The following CYP4Z1 variants were observed in gnomAD, a reference collection of about 807,000 sequenced individuals.
The protein encoded by CYP4Z1 is cytochrome P450 4Z1.
In CYP4Z1, 41 loss-of-function variants were observed where a neutral mutation model predicts 54.2. The observed-to-expected ratio is 0.76, with a 90% CI of 0.59 to 0.98. The LOEUF is 0.98. Ranked by LOEUF, CYP4Z1 falls within the 50% of genes least tolerant of loss-of-function variation. CYP4Z1 has a pLI of 0.00. For synonymous variants in CYP4Z1, 163 were observed against 206.2 expected (o/e 0.79, Z 1.79); for missense variants, 513 against 599.0 (o/e 0.86, Z 1.50).
the CYP4Z1 span, among the ~76,000 whole-genome samples, chr1:47,060,060 G>A: frequency 6.6e-6 from 1 of 151,010 alleles, no homozygotes; most frequent in Non-Finnish European, 1.5e-5. Context: ...GTTTTGTCTT[G>A]GATTCATTTA....
At chr1:47,090,770 C>CTTCAGTGTGAT in intron 6 of CYP4Z1, among the ~76,000 whole-genome samples, 1 of 147,784 alleles carries the variant, frequency 6.8e-6, no homozygotes, top group African/African-American at 2.6e-5. Context: ...CAGGCTTTGA[C>CTTCAGTGTGAT]TTGAGTGTGA....
chr1:47,063,728 A>G (rs187309013), upstream of CYP4Z1, among the ~76,000 whole-genome samples: 1 of 152,240 alleles, frequency 6.6e-6, no homozygotes, highest in Admixed American at 6.5e-5. Context: ...CAAAGCCTCC[A>G]AAAATTTGGG....
chr1:47,103,595 C>CTTTTTTTTT (rs373166937), intron 8 of CYP4Z1, among the ~76,000 whole-genome samples: 187 of 95,806 alleles, frequency 2.0e-3, no homozygotes, highest in Non-Finnish European at 2.5e-3. Flanking sequence ...TCTTTTTTTT[C>CTTTTTTTTT]TTTTTTTTTT....
Position 47,067,561 on chromosome 1 carries a change from T to C in CYP4Z1, c.71T>C (p.Leu24Pro). 6.2e-7 allele frequency: 1 copy of C among 1,613,850 alleles called. No individual in the cohort carries two copies. ...FLLLILLCMS[L>P]LLFQVIRLYQ... ...CTGCTGATCCTCCTCTGCATGTCTCTGCTGCTGTTTCAGGTAATCAGGTTG... is the reference window on the plus strand; with the variant it reads ...CTGCTGATCCTCCTCTGCATGTCTCCGCTGCTGTTTCAGGTAATCAGGTTG... Residue 24 changes from leucine to proline, a missense_variant, in exon 1 of 12, where the codon CTG (leucine) becomes CCG (proline). By Grantham distance (98) the Leu-to-Pro change is moderately conservative. Transcript: ENST00000334194.
At chr1:47,089,327 T>A (rs1213829209) in intron 6 of CYP4Z1, among the ~76,000 whole-genome samples, 2 of 150,748 alleles carry the variant, frequency 1.3e-5, no homozygotes, top group Non-Finnish European at 2.9e-5. Flanking sequence ...TTTTAATAAT[T>A]TTTTTTTAAG....
At chr1:47,100,066 G>A (rs189475436) in intron 8 of CYP4Z1, among the ~76,000 whole-genome samples, 7 of 151,996 alleles carry the variant, frequency 4.6e-5, no homozygotes, top group Admixed American at 1.3e-4. Context: ...TGTTGCCTAA[G>A]CTTGCAACTT....
intron 6 of CYP4Z1, among the ~76,000 whole-genome samples, chr1:47,093,856 T>C (rs1388764812): frequency 6.6e-6 from 1 of 152,208 alleles, no homozygotes; most frequent in Non-Finnish European, 1.5e-5. Context: ...ACAATGTGTG[T>C]TATGGAGAGA....
chr1:47,097,606 T>C (rs920570774), intron 7 of CYP4Z1, among the ~76,000 whole-genome samples: 3 of 152,180 alleles, frequency 2.0e-5, no homozygotes, highest in Non-Finnish European at 4.4e-5. Context: ...TGGCTGAAGA[T>C]CAGATGATTG....
the CYP4Z1 span, among the ~76,000 whole-genome samples, chr1:47,060,475 C>T: frequency 6.9e-6 from 1 of 144,752 alleles, no homozygotes; most frequent in Non-Finnish European, 1.5e-5. Flanking sequence ...AAGGGCATTA[C>T]ATCAAGGTAA....
chr1:47,056,200 A>G, the CYP4Z1 span, among the ~76,000 whole-genome samples: 1 of 151,978 alleles, frequency 6.6e-6, no homozygotes, highest in Admixed American at 6.6e-5. Context: ...TCAGGAGCAG[A>G]TTGTTCAGTT....
chr1:47,115,445 A>AT, intron 9 of CYP4Z1, 84 bp from the exon 10 acceptor site: 24 of 1,288,404 alleles, frequency 1.9e-5, no homozygotes, highest in South Asian at 6.6e-5. Context: ...TTAAAGTATA[A>AT]TTTTAAAAAA....
At chr1:47,090,730 G>GAGCT (rs1644632666) in intron 6 of CYP4Z1, among the ~76,000 whole-genome samples, 1 of 151,374 alleles carries the variant, frequency 6.6e-6, no homozygotes, top group Admixed American at 6.6e-5. Flanking sequence ...ACATTCCTCT[G>GAGCT]AGCTGTCAGG....
intron 8 of CYP4Z1, among the ~76,000 whole-genome samples, chr1:47,103,127 A>C (rs1412848112): frequency 6.6e-6 from 1 of 151,852 alleles, no homozygotes; most frequent in Non-Finnish European, 1.5e-5. Flanking sequence ...TGAAGCTTTC[A>C]AATGTATTTT....
chr1:47,117,910 T>C lies in CYP4Z1; in HGVS notation c.1494T>C (p.His498=). The change falls in exon 12 of 12, where the codon CAT becomes CAC. Residue 498 remains histidine (H), a synonymous_variant. Transcript: ENST00000334194. ...QVVLKSKNGI[H]VFAKKVC is the part of the protein sequence containing the mutation. ...TCCTCAAGTCCAAGAATGGAATCCA[T>C]GTGTTTGCAAAAAAAGTTTGCTAAT... 1 of 1,613,096 alleles carries C rather than the reference T, an allele frequency of 6.2e-7. No homozygotes were observed. Among genetic ancestry groups the C allele is most frequent in the Non-Finnish European group, 8.5e-7 (1 of 1,179,626 alleles).
chr1:47,064,034 G>C (rs951617242), upstream of CYP4Z1, among the ~76,000 whole-genome samples: 1 of 149,908 alleles, frequency 6.7e-6, no homozygotes, highest in Non-Finnish European at 1.5e-5. Flanking sequence ...CAGATTAACA[G>C]CAGATTTCTC....
rs1644844595 is a variant in CYP4Z1 at position 47,118,143 on chromosome 1, A to G, written c.*209A>G. ...CCCACAAAAACACCTGAAAAAACTC[A>G]AGCTGACTTCCACTGCGAAGGGAAA... On this transcript the variant is annotated 3_prime_UTR_variant, in exon 12 of 12. Transcript: ENST00000334194. 2.0e-6 allele frequency: 1 copy of G among 494,676 alleles called. No homozygotes were observed. Among genetic ancestry groups the G allele is most frequent in the South Asian group, 3.8e-5 (1 of 26,338 alleles). 30.6% of individuals were successfully genotyped at this position (494,676 alleles called of 1,614,324 possible).
At chr1:47,058,832 C>G in the CYP4Z1 span, among the ~76,000 whole-genome samples, 87 of 152,196 alleles carry the variant, frequency 5.7e-4, no homozygotes, top group South Asian at 0.011. Flanking sequence ...CCTCCACAAC[C>G]CTGGCAGGGA....
chr1:47,099,531 A>T (rs1644705264), intron 8 of CYP4Z1, among the ~76,000 whole-genome samples: 1 of 152,186 alleles, frequency 6.6e-6, no homozygotes, highest in South Asian at 2.1e-4. Context: ...GCAATAGTAC[A>T]ACTGCGGAAA....
At chr1:47,064,024 C>T (rs560454210), upstream of CYP4Z1, among the ~76,000 whole-genome samples, 5 of 150,640 alleles carry the variant, frequency 3.3e-5, no homozygotes, top group Non-Finnish European at 5.9e-5. Flanking sequence ...AAAAACCTAT[C>T]AGATTAACAG....
Sources: gnomAD v4.1 joint callset for allele counts (sites outside exome capture counted in the v4.1 genomes callset) on GRCh38, gnomAD v4.1.1 for gene constraint, MANE v1.5 for transcripts, NCBI Gene and HGNC (gene_info 2026-07-23, HGNC 2026-07-21) for gene names.